The following NXPH3 variants were observed in gnomAD, a reference collection of about 807,000 sequenced individuals.
NXPH3 encodes neurexophilin-3.
Under a neutral mutation model 18.8 loss-of-function variants are expected in NXPH3, and 7 were observed. The ratio of observed to expected loss-of-function variants is 0.37; its 90% CI spans 0.21 to 0.70. NXPH3 has a LOEUF of 0.70. Ranked by LOEUF, NXPH3 falls within the 30% of genes least tolerant of loss-of-function variation. The probability of loss-of-function intolerance (pLI) is 0.53; values close to 1 mark genes in which losing one functional copy is unlikely to be tolerated. For missense variants in NXPH3, 282 were observed against 338.1 expected (o/e 0.83, Z 1.30); for synonymous variants, 101 against 137.3 (o/e 0.74, Z 1.85).
Position 49,582,205 on chromosome 17 carries a change from C to T in NXPH3, c.*2905C>T, listed in dbSNP as rs879111585. The T allele has an allele frequency of 5.2e-5, 18 of 347,888 alleles. No individual in the cohort carries two copies. The highest frequency in any genetic ancestry group is 4.6e-4 in the East Asian group (9 of 19,596). 21.6% of individuals were successfully genotyped at this position (347,888 alleles called of 1,614,324 possible). On this transcript the variant is annotated 3_prime_UTR_variant, in exon 2 of 2. Transcript: ENST00000328741. ...CCATGGTGATGCCCCCCCACCATCA[C>T]GACGAAGTGCGCTGGCCTCCCACTC...
intron 1 of NXPH3, chr17:49,577,887 C>G (rs920595765): frequency 6.6e-6 from 1 of 152,266 alleles, no homozygotes; most frequent in African/African-American, 2.4e-5. Flanking sequence ...CCCTAGTTCT[C>G]TTGCCAAACC....
chr17:49,580,467 ACCGC>A lies in NXPH3; in HGVS notation c.*1170_*1173del, dbSNP rs2071594862. ...TTGAGACCCAAGTGGCAGGGATCCAACCGCCCTTGGCGCTGATGTTTGCTGAGGG... is the reference window on the plus strand; with the variant it reads ...TTGAGACCCAAGTGGCAGGGATCCAACCTTGGCGCTGATGTTTGCTGAGGG... On this transcript the variant is annotated 3_prime_UTR_variant, in exon 2 of 2. Coordinates refer to ENST00000328741, the MANE Select transcript of NXPH3 (RefSeq NM_007225.4). The A allele has an allele frequency of 6.6e-6, 1 of 152,138 alleles. No individual in the cohort carries two copies. Among genetic ancestry groups the A allele is most frequent in the Non-Finnish European group, 1.5e-5 (1 of 68,036 alleles). 9.4% of individuals were successfully genotyped at this position (152,138 alleles called of 1,614,324 possible).
In NXPH3 at chr17:49,578,352, C is replaced by A. The variant is rs1417929684; in HGVS notation, c.55-244C>A. On this transcript the variant is annotated intron_variant, in intron 1 of 1. Coordinates refer to ENST00000328741, the MANE Select transcript of NXPH3 (RefSeq NM_007225.4). The surrounding 1 kb of genome is among the most constrained non-coding windows in gnomAD (Gnocchi z 4.5). ...AGAGAATTATTGTCGGTCTTTGAGA[C>A]TTTGAATTTGAATAGTGGCCAAGAC... 6.7e-6 allele frequency among the ~76,000 whole-genome samples: 1 copy of A among 149,396 alleles called. No individual in the cohort carries two copies. The highest frequency in any genetic ancestry group is 1.5e-5 in the Non-Finnish European group (1 of 67,636).
At position 49,579,097 on chromosome 17, in the gene NXPH3, C is replaced by T. The variant is rs1597888181; in HGVS notation, c.556C>T (p.Arg186Cys). The change falls in exon 2 of 2, where the codon CGC becomes TGC. Residue 186 changes from arginine (R) to cysteine (C), a missense_variant. Coordinates refer to ENST00000328741, the MANE Select transcript of NXPH3 (RefSeq NM_007225.4). The surrounding 1 kb of genome is among the most constrained non-coding windows in gnomAD (Gnocchi z 6.0). ...GGAGTGGGAGAAGGTAGAACGGGGC[C>T]GCCGGACCTCGCTTTGCACCCACGA... is the stretch of plus-strand genomic sequence containing the variant. ...RMEWEKVERG[R>C]RTSLCTHDPA... The T allele has an allele frequency of 6.8e-6, 11 of 1,613,946 alleles. No homozygotes were observed. The highest frequency in any genetic ancestry group is 1.1e-5 in the South Asian group (1 of 91,084).
chr17:49,576,609 G>T (rs925427886), intron 1 of NXPH3, among the ~76,000 whole-genome samples: 2 of 152,062 alleles, frequency 1.3e-5, no homozygotes, highest in African/African-American at 2.4e-5. Flanking sequence ...GGCGAGTGGG[G>T]CGCGGGTCGT....
At chr17:49,576,382 G>A (rs2071571224) in intron 1 of NXPH3, 109 bp downstream of exon 1, 11 of 1,257,416 alleles carry the variant, frequency 8.7e-6, no homozygotes, top group Non-Finnish European at 1.2e-5. Flanking sequence ...CGACATCCCG[G>A]GGATGGCGGG....
chr17:49,581,562 A>C lies in NXPH3; in HGVS notation c.*2262A>C. The C allele has an allele frequency of 1.5e-6, 1 of 683,838 alleles. No individual in the cohort carries two copies. The highest frequency in any genetic ancestry group is 1.5e-5 in the South Asian group (1 of 64,728). 42.4% of individuals were successfully genotyped at this position (683,838 alleles called of 1,614,324 possible). A position where few individuals can be genotyped will look rare whatever the true frequency, so the allele number is the denominator to read the frequency against. On this transcript the variant is annotated 3_prime_UTR_variant, in exon 2 of 2. Coordinates refer to ENST00000328741, the MANE Select transcript of NXPH3 (RefSeq NM_007225.4). ...CTTGTTTCCCCCACATCATGCTTCC[A>C]GGGGCCGTCTCTCCTGAGTGGAGAT...
In NXPH3 at chr17:49,578,235, G is replaced by A. The variant is rs1015030353; in HGVS notation, c.55-361G>A. Among the ~76,000 whole-genome samples, 4 of 152,186 alleles carry A rather than the reference G, an allele frequency of 2.6e-5. No homozygotes were observed. The highest frequency in any genetic ancestry group is 9.7e-5 in the African/African-American group (4 of 41,440). The stretch of plus-strand genomic sequence containing the variant: ...GGATGATGCTTCTGCAATTAGATGG[G>A]GGCTCCCCAAGATCAGAAGCTGGGC... On this transcript the variant is annotated intron_variant, in intron 1 of 1. Coordinates refer to ENST00000328741, the MANE Select transcript of NXPH3 (RefSeq NM_007225.4). This position sits in a 1 kb window ranked among gnomAD's most constrained non-coding sequence, Gnocchi z 4.5.
At chr17:49,576,760 C>G (rs1355814663) in intron 1 of NXPH3, among the ~76,000 whole-genome samples, 1 of 150,890 alleles carries the variant, frequency 6.6e-6, no homozygotes, top group Non-Finnish European at 1.5e-5. Flanking sequence ...CCCGCTCCCT[C>G]CCTCCCCGCC....
rs1246315577 is a variant in NXPH3, at chr17:49,579,899, T to A, written c.*599T>A. The A allele has an allele frequency of 6.5e-6, 1 of 153,050 alleles. No individual in the cohort carries two copies. The highest frequency in any genetic ancestry group is 2.4e-5 in the African/African-American group (1 of 41,424). 9.5% of individuals were successfully genotyped at this position (153,050 alleles called of 1,614,324 possible). On this transcript the variant is annotated 3_prime_UTR_variant, in exon 2 of 2. Coordinates refer to ENST00000328741, the MANE Select transcript of NXPH3 (RefSeq NM_007225.4). This position sits in a 1 kb window ranked among gnomAD's most constrained non-coding sequence, Gnocchi z 6.0. ...CTGGGGTCTTTGATGTCTTGACAGA[T>A]TGACCATCTGTCTCCAGCCAGGCCA...
Position 49,579,274 on chromosome 17 carries a change from G to T in NXPH3, c.733G>T (p.Asp245Tyr). 6.3e-7 allele frequency: 1 copy of T among 1,599,276 alleles called. No homozygotes were observed. The highest frequency in any genetic ancestry group is 1.7e-4 in the Middle Eastern group (1 of 6,050). The change falls in exon 2 of 2, where the codon GAT becomes TAT. Residue 245 changes from aspartate to tyrosine, a missense_variant. Coordinates refer to ENST00000328741, the MANE Select transcript of NXPH3 (RefSeq NM_007225.4). The surrounding 1 kb of genome is among the most constrained non-coding windows in gnomAD (Gnocchi z 6.0). The part of the protein sequence containing the change: ...KVCPDYNYHS[D>Y]TPYYPSG Reference sequence around the variant, plus strand: ...GTGCCCAGATTACAACTACCATAGTGATACCCCCTACTACCCATCTGGGTG... The same window carrying T: ...GTGCCCAGATTACAACTACCATAGTTATACCCCCTACTACCCATCTGGGTG...
rs2071611814 is a variant in NXPH3, at chr17:49,583,602, A to T, written c.*4302A>T. ...GTCAGGTGGTCCCAAGGGACAAGCTAGGTCCTCCTGAACTGCAGAGGCTGC... is the reference window on the plus strand; with the variant it reads ...GTCAGGTGGTCCCAAGGGACAAGCTTGGTCCTCCTGAACTGCAGAGGCTGC... On this transcript the variant is annotated 3_prime_UTR_variant, in exon 2 of 2. Transcript: ENST00000328741. The T allele has an allele frequency of 6.6e-6, 1 of 152,198 alleles. No homozygotes were observed. Among genetic ancestry groups the T allele is most frequent in the East Asian group, 1.9e-4 (1 of 5,192 alleles). The allele number at this position is 152,198 out of a possible 1,614,324, so 9.4% of individuals were successfully genotyped here.
rs959926987 is a variant in NXPH3 at position 49,582,146 on chromosome 17, G to A, written c.*2846G>A. On this transcript the variant is annotated 3_prime_UTR_variant, in exon 2 of 2. Coordinates refer to ENST00000328741, the MANE Select transcript of NXPH3 (RefSeq NM_007225.4). The stretch of plus-strand genomic sequence containing the variant: ...CCATCCAACTTCCTCTGGCTAAGAA[G>A]ACGTCACCTCTGCCCCATTGGCGAG... 8.7e-5 allele frequency: 43 copies of A among 494,782 alleles called. No individual in the cohort carries two copies. Among genetic ancestry groups the A allele is most frequent in the Non-Finnish European group, 1.4e-4 (40 of 282,554 alleles). 30.6% of individuals were successfully genotyped at this position (494,782 alleles called of 1,614,324 possible).
At position 49,578,016 on chromosome 17, in the gene NXPH3, A is replaced by C. The variant is rs2071579537; in HGVS notation, c.55-580A>C. 1 of 152,566 alleles carries C rather than the reference A, an allele frequency of 6.6e-6. No homozygotes were observed. The highest frequency in any genetic ancestry group is 1.5e-5 in the Non-Finnish European group (1 of 68,330). 9.5% of individuals were successfully genotyped at this position (152,566 alleles called of 1,614,324 possible). On this transcript the variant is annotated intron_variant, in intron 1 of 1. Transcript: ENST00000328741. This position sits in a 1 kb window ranked among gnomAD's most constrained non-coding sequence, Gnocchi z 4.5. ...TAGGGTAGGGACGGTGTCTTACCCA[A>C]CAGACTAGGAAGTCCCAAAAGGCAG...
In NXPH3 at chr17:49,578,785, C is replaced by A; in HGVS notation, c.244C>A (p.Pro82Thr). The change falls in exon 2 of 2, where the codon CCC (proline) becomes ACC (threonine). Residue 82 changes from proline (P) to threonine (T), a missense_variant. Physicochemically the swap from Pro to Thr is conservative, Grantham distance 38. Coordinates refer to ENST00000328741, the MANE Select transcript of NXPH3 (RefSeq NM_007225.4). The surrounding 1 kb of genome is among the most constrained non-coding windows in gnomAD (Gnocchi z 4.5). ...GGAGGCTTGGGGCATTCTTGGGCAG[C>A]CCCCCAACCGCCCGAACCACAGCCC... ...PGEAWGILGQ[P>T]PNRPNHSPPP... 1 of 1,613,608 alleles carries A rather than the reference C, an allele frequency of 6.2e-7. No homozygotes were observed. Among genetic ancestry groups the A allele is most frequent in the South Asian group, 1.1e-5 (1 of 91,068 alleles).
rs528213971 is a variant in NXPH3 at position 49,582,148 on chromosome 17, C to T, written c.*2848C>T. The T allele has an allele frequency of 1.6e-5, 8 of 489,358 alleles. No individual in the cohort carries two copies. Among genetic ancestry groups the T allele is most frequent in the African/African-American group, 2.0e-5 (1 of 51,256 alleles). 30.3% of individuals were successfully genotyped at this position (489,358 alleles called of 1,614,324 possible). A position where few individuals can be genotyped will look rare whatever the true frequency, so the allele number is the denominator to read the frequency against. On this transcript the variant is annotated 3_prime_UTR_variant, in exon 2 of 2. Transcript: ENST00000328741. ...ATCCAACTTCCTCTGGCTAAGAAGA[C>T]GTCACCTCTGCCCCATTGGCGAGCA...
At chr17:49,577,012 G>A (rs1209078546) in intron 1 of NXPH3, among the ~76,000 whole-genome samples, 1 of 152,088 alleles carries the variant, frequency 6.6e-6, no homozygotes, top group African/African-American at 2.4e-5. Context: ...CTGTCGTGAA[G>A]CCTCAGCCCC....
chr17:49,581,620 C>A lies in NXPH3; in HGVS notation c.*2320C>A. 1 of 702,412 alleles carries A rather than the reference C, an allele frequency of 1.4e-6. No homozygotes were observed. Among genetic ancestry groups the A allele is most frequent in the Admixed American group, 2.0e-5 (1 of 49,992 alleles). The allele number at this position is 702,412 out of a possible 1,614,324, so 43.5% of individuals were successfully genotyped here. A position where few individuals can be genotyped will look rare whatever the true frequency, so the allele number is the denominator to read the frequency against. ...ACACACCCCTCCTCCAGACCACCCT[C>A]CGCTCCCCACCCTGGAGGCTTGAGA... is the stretch of plus-strand genomic sequence containing the variant. On this transcript the variant is annotated 3_prime_UTR_variant, in exon 2 of 2. Transcript: ENST00000328741.
Position 49,578,648 on chromosome 17 carries a change from A to G in NXPH3, c.107A>G (p.Asp36Gly). 6.2e-7 allele frequency: 1 copy of G among 1,603,394 alleles called. No homozygotes were observed. The highest frequency in any genetic ancestry group is 8.5e-7 in the Non-Finnish European group (1 of 1,175,198). Reference protein sequence around the residue: ...GPPGSEDPERDDHEGQPRPRV... With the variant: ...GPPGSEDPERGDHEGQPRPRV... ...CCCGGCTCAGAGGACCCTGAGCGTG[A>G]TGACCACGAGGGCCAGCCCCGGCCC... Residue 36 changes from aspartate (D) to glycine (G), a missense_variant, in exon 2 of 2, where the codon GAT becomes GGT. Transcript: ENST00000328741. The surrounding 1 kb of genome is among the most constrained non-coding windows in gnomAD (Gnocchi z 4.5).
Sources: allele counts gnomAD v4.1 joint callset (sites outside exome capture counted in the v4.1 genomes callset), GRCh38; gene constraint gnomAD v4.1.1; non-coding constraint Gnocchi (gnomAD v3.1); transcripts MANE v1.5; gene names NCBI Gene and HGNC (gene_info 2026-07-23, HGNC 2026-07-21).